Variants in USP20 observed in about 807,000 individuals in gnomAD.
USP20 encodes the protein ubiquitin carboxyl-terminal hydrolase 20.
In USP20, 80 loss-of-function variants were observed where a neutral mutation model predicts 124.2. The observed-to-expected ratio is 0.64, with a 90% CI of 0.54 to 0.78. USP20 has a LOEUF of 0.78. Among genes scored for constraint, USP20 ranks in the 30% least tolerant of loss-of-function variants. The pLI, the probability that USP20 is intolerant of heterozygous loss-of-function variation, is 0.00. For synonymous variants in USP20, 481 were observed against 512.3 expected (o/e 0.94, Z 0.83); for missense variants, 1,043 against 1,244.4 (o/e 0.84, Z 2.44).
At chr9:129,871,063 G>A (rs189920395) in intron 15 of USP20, among the ~76,000 whole-genome samples, 114 of 152,148 alleles carry the variant, frequency 7.5e-4, no homozygotes, top group African/African-American at 2.6e-3. Context: ...AACAGAAAGT[G>A]CACAGTCGAG....
At chr9:129,873,665 C>G (rs2296787) in intron 16 of USP20, 34 bp from the exon 17 acceptor site, 1,430,114 of 1,613,618 alleles carry the variant, frequency 0.89, 636,013 homozygotes, top group East Asian at 0.97. Context: ...GCCCTGATGC[C>G]GGACACTGAT....
rs2131086618 is a variant in USP20, at chr9:129,869,692, G to A, written c.1413G>A (p.Thr471=). The change falls in exon 14 of 26, where the codon ACG becomes ACA. Residue 471 remains threonine (T), a synonymous_variant. Transcript: ENST00000372429. ...CACAGGTATCCACCACAGTGGAAACGTTCCAGGACTTATCACTGCCCATTC... is the reference window on the plus strand; with the variant it reads ...CACAGGTATCCACCACAGTGGAAACATTCCAGGACTTATCACTGCCCATTC... ...TCDRVSTTVE[T]FQDLSLPIPG... is the part of the protein sequence containing the mutation. 7 of 1,614,124 alleles carry A rather than the reference G, an allele frequency of 4.3e-6. No homozygotes were observed. Among genetic ancestry groups the A allele is most frequent in the Middle Eastern group, 1.6e-4 (1 of 6,062 alleles).
chr9:129,857,101 G>A (rs1209426850), intron 4 of USP20, among the ~76,000 whole-genome samples: 4 of 151,736 alleles, frequency 2.6e-5, no homozygotes, highest in Non-Finnish European at 5.9e-5. Flanking sequence ...CAGCAGCAGC[G>A]AGTGAAGACA....
intron 8 of USP20, among the ~76,000 whole-genome samples, chr9:129,862,722 T>C (rs1170623780): frequency 6.6e-6 from 1 of 151,820 alleles, no homozygotes; most frequent in Middle Eastern, 3.4e-3. Context: ...CCTGGCCAAC[T>C]AGTAGAGCCT....
rs142681359 is a variant in USP20 at position 129,872,244 on chromosome 9, C to T, written c.1661-1238C>T. Among the ~76,000 whole-genome samples, 1,063 of 152,144 alleles carry T rather than the reference C, an allele frequency of 7.0e-3. 12 individuals are homozygous for T. Among genetic ancestry groups the T allele is most frequent in the African/African-American group, 0.024 (1,002 of 41,482 alleles). On this transcript the variant is annotated intron_variant, in intron 15 of 25. Transcript: ENST00000372429. ...CTTGGCTCACTGCAGCCTCCGCCTC[C>T]TGGGTGCAAGCAGTCCTCCCATCTC...
chr9:129,870,422 C>T (rs1321364018), intron 14 of USP20, 31 bp from the exon 15 acceptor site: 3 of 1,608,564 alleles, frequency 1.9e-6, no homozygotes, highest in Admixed American at 1.7e-5. Flanking sequence ...CAGGCCCTGG[C>T]AGCACCCCTG....
intron 4 of USP20, among the ~76,000 whole-genome samples, chr9:129,857,042 A>T (rs779320189): frequency 6.6e-6 from 1 of 151,932 alleles, no homozygotes; most frequent in Non-Finnish European, 1.5e-5. Context: ...AATGACTGTT[A>T]CTTAAAATTT....
At chr9:129,835,945 A>G (rs2031799615) in intron 1 of USP20, 1 of 152,100 alleles carries the variant, frequency 6.6e-6, no homozygotes, top group South Asian at 2.1e-4. Flanking sequence ...TGCCTCACAA[A>G]TAATGGCCCC....
In USP20 at chr9:129,835,489, T is replaced by A; in HGVS notation, c.-139T>A. 1 of 392,374 alleles carries A rather than the reference T, an allele frequency of 2.5e-6. No individual in the cohort carries two copies. Among genetic ancestry groups the A allele is most frequent in the South Asian group, 3.9e-5 (1 of 25,328 alleles). The allele number at this position is 392,374 out of a possible 1,614,324, so 24.3% of individuals were successfully genotyped here. ...GACTGACAGGCGGCGGCGGCGCAGT[T>A]GCGAGTGCAGGTGAGTTCCGGGCCG... is the stretch of plus-strand genomic sequence containing the variant. On this transcript the variant is annotated 5_prime_UTR_variant, in exon 1 of 26. Coordinates refer to ENST00000372429, the MANE Select transcript of USP20 (RefSeq NM_001110303.4).
At chr9:129,860,142 A>G (rs1440146607) in intron 6 of USP20, among the ~76,000 whole-genome samples, 4 of 152,180 alleles carry the variant, frequency 2.6e-5, no homozygotes, top group Non-Finnish European at 4.4e-5. Flanking sequence ...CATCCTGGCT[A>G]ACACGGTGAA....
intron 1 of USP20, among the ~76,000 whole-genome samples, chr9:129,849,401 A>T (rs62586267): frequency 1.3e-5 from 2 of 152,062 alleles, no homozygotes; most frequent in African/African-American, 2.4e-5. Flanking sequence ...TCCTGAAATT[A>T]GTTCCTCCCA....
At chr9:129,859,541 T>TG (rs1166781445) in intron 6 of USP20, among the ~76,000 whole-genome samples, 6 of 151,966 alleles carry the variant, frequency 3.9e-5, no homozygotes, top group African/African-American at 1.4e-4. Context: ...CCCAAAGTGC[T>TG]GGGATTACAG....
At chr9:129,852,452 G>GC in intron 2 of USP20, 88 bp from the exon 3 acceptor site, 1 of 1,212,292 alleles carries the variant, frequency 8.2e-7, no homozygotes, top group East Asian at 2.6e-5. Context: ...AGGACTCAAG[G>GC]CCAAAGTCAT....
rs1406173711 is a variant in USP20 at position 129,870,967 on chromosome 9, C to CT, written c.1660+430dup. Among the ~76,000 whole-genome samples, 403 of 149,358 alleles carry CT rather than the reference C, an allele frequency of 2.7e-3. 4 individuals carry two copies. Among genetic ancestry groups the CT allele is most frequent in the Middle Eastern group, 7.0e-3 (2 of 286 alleles). On this transcript the variant is annotated intron_variant, in intron 15 of 25. Coordinates refer to ENST00000372429, the MANE Select transcript of USP20 (RefSeq NM_001110303.4). ...ATCTAAACCTTTGGGAAAACTCTCT[C>CT]TTTTTTTTTTATTTCCAATTTTCAA... is the stretch of plus-strand genomic sequence containing the variant.
intron 23 of USP20, among the ~76,000 whole-genome samples, chr9:129,878,844 A>T (rs2034519176): frequency 6.6e-6 from 1 of 152,232 alleles, no homozygotes; most frequent in Non-Finnish European, 1.5e-5. Context: ...AGAACAGCAG[A>T]ACCAAGCCAT....
At chr9:129,869,545 G>A (rs2034010916) in intron 13 of USP20, 120 bp downstream of exon 13, 4 of 1,522,158 alleles carry the variant, frequency 2.6e-6, no homozygotes, top group Non-Finnish European at 3.6e-6. Context: ...CCAGGGGAGG[G>A]CCCTGCCTGC....
chr9:129,841,799 T>C (rs1256731006), intron 1 of USP20, among the ~76,000 whole-genome samples: 1 of 152,096 alleles, frequency 6.6e-6, no homozygotes, highest in African/African-American at 2.4e-5. Flanking sequence ...TGAGCTTAGA[T>C]CTCAGGAAGC....
At position 129,838,285 on chromosome 9, in the gene USP20, G is replaced by A. The variant is rs554842658; in HGVS notation, c.-129+2786G>A. On this transcript the variant is annotated intron_variant, in intron 1 of 25. Transcript: ENST00000372429. ...TCAAATTCCTAACCTTGAGTGATCC[G>A]CCCGCCTCAGCCTCCCAAAGTGCTG... Among the ~76,000 whole-genome samples, 109 of 151,926 alleles carry A rather than the reference G, an allele frequency of 7.2e-4. 1 individual carries two copies. The South Asian group carries it at 0.022, about 31-fold the overall frequency.
At chr9:129,844,336 A>G (rs1277198963) in intron 1 of USP20, among the ~76,000 whole-genome samples, 1 of 152,148 alleles carries the variant, frequency 6.6e-6, no homozygotes, top group Admixed American at 6.5e-5. Context: ...TTTAAAATTT[A>G]TATATCTGGT....
Sources: allele counts gnomAD v4.1 joint callset (sites outside exome capture counted in the v4.1 genomes callset), GRCh38; gene constraint gnomAD v4.1.1; transcripts MANE v1.5; gene names NCBI Gene and HGNC (gene_info 2026-07-23, HGNC 2026-07-21).